C1orf87: variants seen among roughly 807,000 people sequenced by gnomAD.
C1orf87 encodes the protein uncharacterized protein C1orf87.
C1orf87 carries 58 observed loss-of-function variants against 60.5 expected under a neutral mutation model. The ratio of observed to expected loss-of-function variants is 0.96; its 90% CI spans 0.78 to 1.19. The LOEUF (loss-of-function observed/expected upper bound fraction) is 1.19, where lower values mean the gene tolerates loss of function less well. C1orf87 is among the 50% of genes most tolerant of loss of function. The pLI, the probability that C1orf87 is intolerant of heterozygous loss-of-function variation, is 0.00. For missense variants in C1orf87, 673 were observed against 638.6 expected (o/e 1.05, Z -0.58); for synonymous variants, 236 against 227.4 (o/e 1.04, Z -0.34).
chr1:60,001,438 G>A (rs1200850975), intron 9 of C1orf87, among the ~76,000 whole-genome samples: 2 of 152,056 alleles, frequency 1.3e-5, no homozygotes, highest in African/African-American at 4.8e-5. Context: ...TGAGAAAATA[G>A]GAAAGTATTT....
intron 10 of C1orf87, 80 bp from the exon 11 acceptor site, chr1:59,997,896 C>G (rs1483047122): frequency 2.2e-6 from 3 of 1,335,340 alleles, no homozygotes; most frequent in Admixed American, 4.1e-5. Flanking sequence ...TGAGGCCACA[C>G]AACTAGCAAG....
At chr1:60,035,888 G>A (rs977521599) in intron 6 of C1orf87, among the ~76,000 whole-genome samples, 4 of 152,232 alleles carry the variant, frequency 2.6e-5, no homozygotes, top group African/African-American at 9.6e-5. Context: ...TAACCGCTAT[G>A]AAGGGGAAGG....
intron 3 of C1orf87, among the ~76,000 whole-genome samples, chr1:60,045,937 G>T (rs1309990405): frequency 6.6e-6 from 1 of 152,078 alleles, no homozygotes. Context: ...GTAATTCCTC[G>T]ATATCTTCAA....
chr1:60,016,175 A>C (rs528763141), intron 8 of C1orf87, among the ~76,000 whole-genome samples: 1 of 152,356 alleles, frequency 6.6e-6, no homozygotes, highest in Admixed American at 6.5e-5. Context: ...AGTAAGAGTC[A>C]AAGAAGCCTA....
At chr1:60,035,596 T>C (rs1292563322) in intron 6 of C1orf87, among the ~76,000 whole-genome samples, 1 of 152,232 alleles carries the variant, frequency 6.6e-6, no homozygotes, top group Non-Finnish European at 1.5e-5. Context: ...CAGTCCTGTA[T>C]TTCTACAAAC....
At chr1:60,057,872 A>G (rs1452994909) in intron 2 of C1orf87, among the ~76,000 whole-genome samples, 1 of 152,204 alleles carries the variant, frequency 6.6e-6, no homozygotes, top group African/African-American at 2.4e-5. Flanking sequence ...TGGCCAGTTA[A>G]GGTTAAAGAC....
chr1:60,055,315 A>T lies in C1orf87; in HGVS notation c.231T>A (p.Thr77=), dbSNP rs199947700. The change falls in exon 3 of 12, where the codon ACT becomes ACA. Residue 77 remains threonine (T), a synonymous_variant. Transcript: ENST00000371201. Reference sequence around the variant, plus strand: ...TCTCTTTCACATCATCTGGATTATCAGTGGTTTGCTGATCAGTGAAGTTAA... The same window carrying T: ...TCTCTTTCACATCATCTGGATTATCTGTGGTTTGCTGATCAGTGAAGTTAA... The part of the protein sequence containing the change: ...VPINFTDQQT[T]DNPDDVKEKK... The T allele has an allele frequency of 6.2e-7, 1 of 1,614,032 alleles. No homozygotes were observed. The highest frequency in any genetic ancestry group is 2.2e-5 in the East Asian group (1 of 44,870).
At chr1:60,037,401 T>C (rs1372940663) in intron 6 of C1orf87, among the ~76,000 whole-genome samples, 1 of 152,204 alleles carries the variant, frequency 6.6e-6, no homozygotes, top group Non-Finnish European at 1.5e-5. Flanking sequence ...AGAACAGATA[T>C]TTTATTTCTT....
In C1orf87 at chr1:60,032,690, C is replaced by T. The variant is rs534887334; in HGVS notation, c.1029+786G>A. Among the ~76,000 whole-genome samples the T allele has an allele frequency of 1.6e-4, 25 of 152,086 alleles. No homozygotes were observed. The South Asian group carries it at 2.3e-3, about 14-fold the overall frequency. On this transcript the variant is annotated intron_variant, in intron 7 of 11. Transcript: ENST00000371201. Reference sequence around the variant, plus strand: ...TCCTGACCTGGTGATCCATCTGCCTCGGCGTCCCAAAGTGCTGGGTTACAG... The same window carrying T: ...TCCTGACCTGGTGATCCATCTGCCTTGGCGTCCCAAAGTGCTGGGTTACAG...
Position 60,017,985 on chromosome 1 carries a change from C to A in C1orf87, c.1127+7416G>T, listed in dbSNP as rs78352266. 4.7e-3 allele frequency among the ~76,000 whole-genome samples: 715 copies of A among 152,262 alleles called. 11 individuals are homozygous for A. Among genetic ancestry groups the A allele is most frequent in the East Asian group, 0.02 (102 of 5,186 alleles). On this transcript the variant is annotated intron_variant, in intron 8 of 11. Transcript: ENST00000371201. ...TTTTATTTGGTTAGATGGGGCTAATCCCACATCACCATAATCCCTCCTGAT... is the reference window on the plus strand; with the variant it reads ...TTTTATTTGGTTAGATGGGGCTAATACCACATCACCATAATCCCTCCTGAT...
At chr1:60,040,879 C>A in intron 4 of C1orf87, 112 bp downstream of exon 4, 1 of 1,212,904 alleles carries the variant, frequency 8.2e-7, no homozygotes, top group Non-Finnish European at 1.1e-6. Context: ...AGGTGTAAGC[C>A]ACTATGACCA....
At chr1:60,023,189 T>C (rs1344864472) in intron 8 of C1orf87, among the ~76,000 whole-genome samples, 1 of 152,172 alleles carries the variant, frequency 6.6e-6, no homozygotes, top group Non-Finnish European at 1.5e-5. Flanking sequence ...AAATTTCTTG[T>C]GTCTGAAGTT....
At chr1:60,072,028 G>A (rs1004319333) in intron 2 of C1orf87, among the ~76,000 whole-genome samples, 1 of 152,136 alleles carries the variant, frequency 6.6e-6, no homozygotes, top group Non-Finnish European at 1.5e-5. Flanking sequence ...TCTCTTAAAT[G>A]TGACTCTGAT....
chr1:60,049,802 T>C (rs1645400630), intron 3 of C1orf87, among the ~76,000 whole-genome samples: 1 of 152,276 alleles, frequency 6.6e-6, no homozygotes, highest in South Asian at 2.1e-4. Flanking sequence ...ATATGAGGAA[T>C]AGACCCAACT....
chr1:60,063,407 G>A (rs1645510133), intron 2 of C1orf87, among the ~76,000 whole-genome samples: 1 of 152,030 alleles, frequency 6.6e-6, no homozygotes, highest in Non-Finnish European at 1.5e-5. Flanking sequence ...TCACTCCCAA[G>A]TTACTCACCA....
intron 6 of C1orf87, 137 bp from the exon 7 acceptor site, chr1:60,033,778 G>C (rs1235975139): frequency 1.1e-6 from 1 of 900,866 alleles, no homozygotes; most frequent in Non-Finnish European, 1.6e-6. Context: ...TCTCAGTCTT[G>C]GGAACCTGGT....
intron 2 of C1orf87, among the ~76,000 whole-genome samples, chr1:60,071,941 G>T (rs1041423970): frequency 2.6e-5 from 4 of 152,142 alleles, no homozygotes; most frequent in Admixed American, 2.6e-4. Flanking sequence ...TTGAGCCACT[G>T]AAACTCTGTA....
intron 3 of C1orf87, among the ~76,000 whole-genome samples, chr1:60,050,407 C>T (rs1424312951): frequency 1.3e-5 from 2 of 151,384 alleles, no homozygotes; most frequent in African/African-American, 2.4e-5. Flanking sequence ...CATTTATTTG[C>T]TATAGTAAAT....
chr1:60,068,574 C>T (rs184617170), intron 2 of C1orf87, among the ~76,000 whole-genome samples: 1 of 152,246 alleles, frequency 6.6e-6, no homozygotes, highest in East Asian at 1.9e-4. Flanking sequence ...TTGTTTCATG[C>T]CTTTGTGAAA....
Sources: gnomAD v4.1 joint callset for allele counts (sites outside exome capture counted in the v4.1 genomes callset) on GRCh38, gnomAD v4.1.1 for gene constraint, MANE v1.5 for transcripts, NCBI Gene and HGNC (gene_info 2026-07-23, HGNC 2026-07-21) for gene names.